DOK7: variants seen among roughly 807,000 people sequenced by gnomAD.
DOK7 encodes the protein docking protein 7.
DOK7 carries 32 observed loss-of-function variants against 30.7 expected under a neutral mutation model. The ratio of observed to expected loss-of-function variants is 1.04; its 90% CI spans 0.79 to 1.40. The LOEUF (loss-of-function observed/expected upper bound fraction) is 1.40, where lower values mean the gene tolerates loss of function less well. DOK7 is among the 40% of genes most tolerant of loss of function. DOK7 has a pLI of 0.00. For synonymous variants in DOK7, 447 were observed against 324.1 expected (o/e 1.38, Z -4.07); for missense variants, 1,007 against 699.2 (o/e 1.44, Z -4.97).
chr4:3,468,622 G>A (rs1726495591), intron 2 of DOK7, among the ~76,000 whole-genome samples: 1 of 151,156 alleles, frequency 6.6e-6, no homozygotes, highest in Non-Finnish European at 1.5e-5. Flanking sequence ...GCCTTTGTGT[G>A]TGCGTGTGTA....
exon 8 of DOK7, chr4:3,500,766 G>A (rs911727518): frequency 7.2e-6 from 11 of 1,534,712 alleles, no homozygotes; most frequent in Non-Finnish European, 9.6e-6. Context: ...GGTGCGGCAC[G>A]CACGGGCCCG....
chr4:3,468,583 T>C (rs539761280), intron 2 of DOK7, among the ~76,000 whole-genome samples: 1 of 151,412 alleles, frequency 6.6e-6, no homozygotes, highest in East Asian at 2.0e-4. Context: ...TGTGTGCTTG[T>C]CTGAGTGTGC....
intron 3 of DOK7, 56 bp from the exon 4 acceptor site, chr4:3,476,286 G>GTGATACCCTCTCACCTCACCCGCCCA (rs1727077875): frequency 3.6e-6 from 1 of 274,456 alleles, no homozygotes; most frequent in African/African-American, 5.6e-5. Flanking sequence ...CCACCCGCCC[G>GTGATACCCTCTCACCTCACCCGCCCA]TGATGTCCTC....
chr4:3,491,236 TTTCATTCCTTCTCCCCTTGCTCA>T (rs1331344014), intron 6 of DOK7, among the ~76,000 whole-genome samples: 35 of 115,076 alleles, frequency 3.0e-4, no homozygotes, highest in African/African-American at 5.8e-4. Context: ...CCCGCTGCTC[TTTCATTCCTTCTCCCCTTGCTCA>T]TTCATTCCTT....
intron 2 of DOK7, among the ~76,000 whole-genome samples, chr4:3,471,401 G>C (rs1726757499): frequency 6.6e-6 from 1 of 152,218 alleles, no homozygotes; most frequent in African/African-American, 2.4e-5. Context: ...GGGAGTGAAG[G>C]GGTGGTCTGT....
At chr4:3,495,338 C>T (rs115918549), downstream of DOK7, among the ~76,000 whole-genome samples, 216 of 152,322 alleles carry the variant, frequency 1.4e-3, no homozygotes, top group African/African-American at 3.9e-3. Flanking sequence ...TCATCATCCA[C>T]GCTCAGCCCT....
chr4:3,500,471 C>G, intron 7 of DOK7: 2 of 1,514,192 alleles, frequency 1.3e-6, no homozygotes, highest in South Asian at 2.4e-5. Context: ...GGGCCCTGAG[C>G]CCCCAGCCCC....
At chr4:3,464,099 G>T (rs1489861658) in intron 2 of DOK7, among the ~76,000 whole-genome samples, 1 of 152,198 alleles carries the variant, frequency 6.6e-6, no homozygotes, top group South Asian at 2.1e-4. Flanking sequence ...CTTGGGGAGG[G>T]TCAGCATGGA....
chr4:3,494,833 G>T (rs890306198), downstream of DOK7, among the ~76,000 whole-genome samples: 1 of 152,136 alleles, frequency 6.6e-6, no homozygotes, highest in Non-Finnish European at 1.5e-5. Context: ...TGAGCCCAGG[G>T]CCCCTGCCCT....
chr4:3,471,000 G>A (rs2109331003), intron 2 of DOK7, among the ~76,000 whole-genome samples: 1 of 152,342 alleles, frequency 6.6e-6, no homozygotes, highest in South Asian at 2.1e-4. Context: ...CTGACTTCTG[G>A]GTGATCAGCC....
intron 5 of DOK7, among the ~76,000 whole-genome samples, chr4:3,486,879 G>C (rs889368357): frequency 6.6e-6 from 1 of 152,144 alleles, no homozygotes; most frequent in Non-Finnish European, 1.5e-5. Context: ...GCAGCAGGAG[G>C]CTGAGCAGGG....
intron 2 of DOK7, among the ~76,000 whole-genome samples, chr4:3,466,609 C>T (rs1033148522): frequency 3.3e-5 from 5 of 152,204 alleles, no homozygotes; most frequent in African/African-American, 7.2e-5. Context: ...ACATCAAGAA[C>T]AGGGCGACCT....
rs150010922 is a variant in DOK7 at position 3,474,869 on chromosome 4, G to T, written c.331+1233G>T. 1.3e-4 allele frequency among the ~76,000 whole-genome samples: 20 copies of T among 152,066 alleles called. No homozygotes were observed. The East Asian group carries it at 3.9e-3, about 29-fold the overall frequency. On this transcript the variant is annotated intron_variant, in intron 3 of 6. Transcript: ENST00000340083. The stretch of plus-strand genomic sequence containing the variant: ...GGAGGTTGCGGTGACCTGAGGTTGT[G>T]CCACTGCCCTCTAGCCTGGGCGACA...
In DOK7 at chr4:3,492,968, CAGG is replaced by C; in HGVS notation, c.986_988del (p.Glu329del). 1 of 1,553,380 alleles carries C rather than the reference CAGG, an allele frequency of 6.4e-7. No individual in the cohort carries two copies. The highest frequency in any genetic ancestry group is 8.7e-7 in the Non-Finnish European group (1 of 1,152,494). On this transcript the variant is annotated inframe_deletion, in exon 7 of 7. Transcript: ENST00000340083. ...CAAGCCGCTGCGTCCGCGGCAGCTGCAGGAGGTTGGCCGCCAGAGCTCCTCGGA... is the reference window on the plus strand; with the variant it reads ...CAAGCCGCTGCGTCCGCGGCAGCTGCAGGTTGGCCGCCAGAGCTCCTCGGA...
Position 3,476,664 on chromosome 4 carries a change from C to A in DOK7, c.532+122C>A, listed in dbSNP as rs2857987. 163,483 of 1,281,944 alleles carry A rather than the reference C, an allele frequency of 0.13. 11,355 individuals are homozygous for A. Among genetic ancestry groups the A allele is most frequent in the Middle Eastern group, 0.2 (825 of 4,212 alleles). The allele number at this position is 1,281,944 out of a possible 1,614,324, so 79.4% of individuals were successfully genotyped here. A position where few individuals can be genotyped will look rare whatever the true frequency, so the allele number is the denominator to read the frequency against. ...GGCCTGCTGGCATTTCCAGAATGCGCCGGCAGGTGGACGGAGTCTCCCCAC... is the reference window on the plus strand; with the variant it reads ...GGCCTGCTGGCATTTCCAGAATGCGACGGCAGGTGGACGGAGTCTCCCCAC... On this transcript the variant is annotated intron_variant, in intron 4 of 6. Transcript: ENST00000340083.
At chr4:3,499,801 G>A (rs908321105) in intron 6 of DOK7, among the ~76,000 whole-genome samples, 5 of 152,104 alleles carry the variant, frequency 3.3e-5, no homozygotes, top group African/African-American at 1.2e-4. Context: ...GACAGTGAGG[G>A]GGAGGTGCTG....
Position 3,493,900 on chromosome 4 carries a change from G to C in DOK7, c.*399G>C, listed in dbSNP as rs774986829. ...CCTCACGCCCCCTTCGGGGGTGGCC[G>C]GTTCTCCCCATCACCTCTCTGGGGC... On this transcript the variant is annotated 3_prime_UTR_variant, in exon 7 of 7. Coordinates refer to ENST00000340083, the MANE Select transcript of DOK7 (RefSeq NM_173660.5). 3.9e-5 allele frequency: 42 copies of C among 1,065,492 alleles called. No individual in the cohort carries two copies. Among genetic ancestry groups the C allele is most frequent in the Non-Finnish European group, 4.5e-5 (40 of 882,286 alleles). The allele number at this position is 1,065,492 out of a possible 1,614,324, so 66.0% of individuals were successfully genotyped here.
intron 4 of DOK7, chr4:3,484,649 G>T: frequency 1.0e-6 from 1 of 985,538 alleles, no homozygotes; most frequent in Non-Finnish European, 1.2e-6. Flanking sequence ...CGCTCTGCCA[G>T]TGACGCTGGG....
chr4:3,480,781 G>A (rs1363524333), intron 4 of DOK7, among the ~76,000 whole-genome samples: 4 of 151,948 alleles, frequency 2.6e-5, no homozygotes, highest in East Asian at 1.9e-4. Flanking sequence ...AGCAGGGAGC[G>A]CCTTCAGCAG....
Sources: allele counts gnomAD v4.1 joint callset (sites outside exome capture counted in the v4.1 genomes callset), GRCh38; gene constraint gnomAD v4.1.1; transcripts MANE v1.5; gene names NCBI Gene and HGNC (gene_info 2026-07-23, HGNC 2026-07-21).